The following GRM8 variants were observed in gnomAD, a reference collection of about 807,000 sequenced individuals.
GRM8 encodes the protein metabotropic glutamate receptor 8.
A neutral mutation model predicts 87.2 loss-of-function variants in GRM8; 47 were observed. The observed-to-expected ratio is 0.54, with a 90% CI of 0.43 to 0.69. The LOEUF is 0.69. Among genes scored for constraint, GRM8 ranks in the 30% least tolerant of loss-of-function variants. The pLI, the probability that GRM8 is intolerant of heterozygous loss-of-function variation, is 0.00. For missense variants in GRM8, 1,019 were observed against 1,139.2 expected, an observed-to-expected ratio of 0.89 and a Z score of 1.52; for synonymous variants, 396 against 404.5, an observed-to-expected ratio of 0.98 and a Z score of 0.25.
intron 6 of GRM8, among the ~76,000 whole-genome samples, chr7:126,803,105 A>T (rs911419297): frequency 2.0e-5 from 3 of 152,200 alleles, no homozygotes; most frequent in African/African-American, 7.2e-5. Context: ...CTTTGAATAA[A>T]TTAGTGATTC....
intron 2 of GRM8, among the ~76,000 whole-genome samples, chr7:127,180,236 C>T (rs989999394): frequency 6.6e-6 from 1 of 151,962 alleles, no homozygotes; most frequent in African/African-American, 2.4e-5. Flanking sequence ...ACGCACATAG[C>T]TAGAAAACCT....
At chr7:126,821,629 CCTTT>C (rs1163280065) in intron 6 of GRM8, among the ~76,000 whole-genome samples, 1 of 152,166 alleles carries the variant, frequency 6.6e-6, no homozygotes, top group Non-Finnish European at 1.5e-5. Context: ...CACTCTCCTT[CCTTT>C]CAGAGCAATT....
chr7:126,465,248 T>C (rs1222711605), intron 9 of GRM8: 1 of 151,722 alleles, frequency 6.6e-6, no homozygotes, highest in African/African-American at 2.4e-5. Flanking sequence ...CTTGGTAGTA[T>C]ATGTCTTCCA....
intron 3 of GRM8, among the ~76,000 whole-genome samples, chr7:126,993,201 A>G (rs1258737849): frequency 6.6e-6 from 1 of 152,214 alleles, no homozygotes; most frequent in Non-Finnish European, 1.5e-5. Flanking sequence ...AGGCATATAC[A>G]TAATAAAAAA....
intron 3 of GRM8, among the ~76,000 whole-genome samples, chr7:127,058,500 T>C (rs1420182045): frequency 6.6e-6 from 1 of 152,234 alleles, no homozygotes; most frequent in Non-Finnish European, 1.5e-5. Flanking sequence ...CCTCCTTTTT[T>C]TCCCAGGCCC....
intron 6 of GRM8, among the ~76,000 whole-genome samples, chr7:126,780,310 T>C (rs1232858681): frequency 1.3e-5 from 2 of 152,064 alleles, no homozygotes; most frequent in Non-Finnish European, 2.9e-5. Flanking sequence ...AACAATAATA[T>C]CTCCCCCATA....
At chr7:127,072,300 T>C (rs1197441788) in intron 3 of GRM8, among the ~76,000 whole-genome samples, 1 of 152,194 alleles carries the variant, frequency 6.6e-6, no homozygotes, top group Non-Finnish European at 1.5e-5. Flanking sequence ...CACATTTTAC[T>C]GAGCCAGTTC....
At chr7:127,130,623 T>C (rs548949375) in intron 2 of GRM8, among the ~76,000 whole-genome samples, 9 of 152,216 alleles carry the variant, frequency 5.9e-5, no homozygotes, top group African/African-American at 2.2e-4. Flanking sequence ...ATTTCTGGGA[T>C]GATTGGTTTT....
rs993512047 is a variant in GRM8, at chr7:127,011,159, A to G, written c.727+95337T>C. Among the ~76,000 whole-genome samples the G allele has an allele frequency of 3.3e-5, 5 of 152,262 alleles. No individual in the cohort carries two copies. The South Asian group carries it at 1.0e-3, about 32-fold the overall frequency. ...ATCAGATTCTATGAAACTCAATAAC[A>G]AATTCATGGAATACAAAATAGCACA... On this transcript the variant is annotated intron_variant, in intron 3 of 10. Coordinates refer to ENST00000339582, the MANE Select transcript of GRM8 (RefSeq NM_000845.3).
At chr7:126,796,881 G>A (rs1457638899) in intron 6 of GRM8, among the ~76,000 whole-genome samples, 2 of 152,026 alleles carry the variant, frequency 1.3e-5, no homozygotes, top group African/African-American at 4.8e-5. Flanking sequence ...ATAAAATTCA[G>A]TCCTACACTG....
intron 3 of GRM8, chr7:127,095,621 C>T (rs1251618183): frequency 6.6e-6 from 1 of 152,190 alleles, no homozygotes; most frequent in Non-Finnish European, 1.5e-5. Flanking sequence ...TGTTTCTACT[C>T]AAGTTGTCTG....
At chr7:127,212,087 T>A (rs1348233364) in intron 2 of GRM8, among the ~76,000 whole-genome samples, 1 of 152,194 alleles carries the variant, frequency 6.6e-6, no homozygotes, top group Non-Finnish European at 1.5e-5. Context: ...CACACCCCTA[T>A]TTTTGGACCG....
At chr7:126,802,760 T>C (rs1042478843) in intron 6 of GRM8, among the ~76,000 whole-genome samples, 10 of 152,150 alleles carry the variant, frequency 6.6e-5, no homozygotes, top group African/African-American at 1.9e-4. Flanking sequence ...CTAGAAGCCA[T>C]GCCACAAACT....
chr7:127,103,553 A>G (rs1825533115), intron 3 of GRM8, among the ~76,000 whole-genome samples: 1 of 152,066 alleles, frequency 6.6e-6, no homozygotes, highest in Non-Finnish European at 1.5e-5. Context: ...TAAATTACTC[A>G]CTTTCAGGGA....
chr7:127,247,824 CA>C lies in GRM8; in HGVS notation c.-311-4310del, dbSNP rs374333649. Among the ~76,000 whole-genome samples the C allele has an allele frequency of 4.0e-5, 6 of 151,340 alleles. No homozygotes were observed. The East Asian group carries it at 1.2e-3, about 29-fold the overall frequency. On this transcript the variant is annotated intron_variant, in intron 1 of 10. Transcript: ENST00000339582. ...TAATAAGGGAATATGAGATTATGCT[CA>C]AACATCAGAGCAAGGCTTTGCCAAC...
intron 7 of GRM8, among the ~76,000 whole-genome samples, chr7:126,688,590 G>A (rs1025377874): frequency 2.6e-5 from 4 of 152,114 alleles, no homozygotes; most frequent in Non-Finnish European, 5.9e-5. Flanking sequence ...GGCAATGAGA[G>A]TGAGTTTAGG....
At chr7:127,160,034 T>G (rs1034118715) in intron 2 of GRM8, among the ~76,000 whole-genome samples, 3 of 152,154 alleles carry the variant, frequency 2.0e-5, no homozygotes, top group African/African-American at 7.2e-5. Context: ...TAGAGAGGTT[T>G]TATAAAAGCA....
At chr7:126,925,968 G>C (rs1283154161) in intron 3 of GRM8, among the ~76,000 whole-genome samples, 1 of 152,066 alleles carries the variant, frequency 6.6e-6, no homozygotes, top group African/African-American at 2.4e-5. Context: ...TTCATGGCAG[G>C]TTGAATGTAT....
chr7:126,609,719 T>C (rs1798725017), intron 7 of GRM8, among the ~76,000 whole-genome samples: 1 of 152,142 alleles, frequency 6.6e-6, no homozygotes, highest in Admixed American at 6.5e-5. Context: ...TTGTACATAT[T>C]AGAAAGTAAA....
Sources: gnomAD v4.1 joint callset for allele counts (sites outside exome capture counted in the v4.1 genomes callset) on GRCh38, gnomAD v4.1.1 for gene constraint, MANE v1.5 for transcripts, NCBI Gene and HGNC (gene_info 2026-07-23, HGNC 2026-07-21) for gene names.